WDR27: variants seen among roughly 807,000 people sequenced by gnomAD.
WDR27 encodes WD repeat domain 27, also known as WD repeat-containing protein 27.
Under a neutral mutation model 114.4 loss-of-function variants are expected in WDR27, and 100 were observed. The observed-to-expected ratio is 0.87, with a 90% CI of 0.74 to 1.03. WDR27 has a LOEUF of 1.03. WDR27 is among the 50% of genes least tolerant of loss of function. The pLI is 0.00. For synonymous variants in WDR27, 449 were observed against 423.1 expected (o/e 1.06, Z -0.75); for missense variants, 1,129 against 1,092.9 (o/e 1.03, Z -0.47).
chr6:169,700,743 A>G (rs1408619746), intron 1 of WDR27, among the ~76,000 whole-genome samples: 1 of 152,238 alleles, frequency 6.6e-6, no homozygotes, highest in Non-Finnish European at 1.5e-5. Context: ...CTCCACTAAT[A>G]TAAATTGTTT....
intron 25 of WDR27, among the ~76,000 whole-genome samples, chr6:169,551,446 A>G (rs1361844911): frequency 1.3e-5 from 2 of 152,236 alleles, no homozygotes; most frequent in East Asian, 1.9e-4. Context: ...TTCTCAACAT[A>G]ACAACCTGAG....
intron 25 of WDR27, among the ~76,000 whole-genome samples, chr6:169,557,785 C>T (rs3006213): frequency 0.9 from 137,139 of 152,132 alleles, 62,267 homozygotes; most frequent in East Asian, 0.99. Context: ...AAAATAAAAA[C>T]ATCAAAGTAT....
At chr6:169,691,452 T>G (rs1476673165) in intron 1 of WDR27, among the ~76,000 whole-genome samples, 2 of 152,156 alleles carry the variant, frequency 1.3e-5, no homozygotes, top group African/African-American at 2.4e-5. Context: ...CTCTGTAACT[T>G]GAGCATGGCA....
At chr6:169,514,500 T>C (rs1057153415) in intron 25 of WDR27, among the ~76,000 whole-genome samples, 10 of 144,350 alleles carry the variant, frequency 6.9e-5, no homozygotes, top group African/African-American at 2.0e-4. Context: ...ATATATATAA[T>C]ATGTATTTTT....
At chr6:169,433,922 A>G in the WDR27 span, among the ~76,000 whole-genome samples, 1 of 151,848 alleles carries the variant, frequency 6.6e-6, no homozygotes, top group African/African-American at 2.4e-5. Flanking sequence ...TCCTTCCCCC[A>G]CTTTTGTATG....
chr6:169,603,411 T>TA (rs920879246), intron 22 of WDR27, among the ~76,000 whole-genome samples: 18 of 151,286 alleles, frequency 1.2e-4, no homozygotes, highest in Admixed American at 2.6e-4. Flanking sequence ...TCTTTACTAT[T>TA]AAAAAAAAAG....
At chr6:169,675,296 C>G (rs1376384571) in intron 2 of WDR27, among the ~76,000 whole-genome samples, 1 of 152,156 alleles carries the variant, frequency 6.6e-6, no homozygotes, top group Non-Finnish European at 1.5e-5. Context: ...GTACCTCCCC[C>G]CATGCCTTGC....
chr6:169,665,832 T>C (rs768630212), intron 6 of WDR27, among the ~76,000 whole-genome samples: 31 of 152,170 alleles, frequency 2.0e-4, no homozygotes, highest in Non-Finnish European at 3.5e-4. Flanking sequence ...AGGAATCCCA[T>C]CCCACCTCCC....
chr6:169,647,524 C>T (rs1321186836), intron 16 of WDR27: 1 of 582,062 alleles, frequency 1.7e-6, no homozygotes, highest in Admixed American at 3.0e-5. Flanking sequence ...AGCAAATTCG[C>T]TGCTAGTGAG....
At chr6:169,582,267 G>A (rs1362418343) in intron 24 of WDR27, among the ~76,000 whole-genome samples, 2 of 152,098 alleles carry the variant, frequency 1.3e-5, no homozygotes, top group Admixed American at 6.5e-5. Context: ...GAGCCACTGC[G>A]CCTGGCCAAT....
chr6:169,597,760 G>C (rs1033585361), intron 23 of WDR27, among the ~76,000 whole-genome samples: 1 of 152,108 alleles, frequency 6.6e-6, no homozygotes, highest in South Asian at 2.1e-4. Context: ...GGTAGTGTCA[G>C]GCATGGCACT....
chr6:169,561,992 G>A (rs1799739043), intron 25 of WDR27, among the ~76,000 whole-genome samples: 1 of 152,156 alleles, frequency 6.6e-6, no homozygotes, highest in African/African-American at 2.4e-5. Flanking sequence ...CACAATGAAG[G>A]TGTCTACTCA....
the WDR27 span, among the ~76,000 whole-genome samples, chr6:169,445,744 C>A: frequency 6.6e-6 from 1 of 152,258 alleles, no homozygotes; most frequent in Admixed American, 6.5e-5. Flanking sequence ...GCTCTGCAGT[C>A]CCTCCCATCA....
chr6:169,689,921 G>A (rs1784022030), intron 1 of WDR27, among the ~76,000 whole-genome samples: 1 of 152,188 alleles, frequency 6.6e-6, no homozygotes, highest in African/African-American at 2.4e-5. Context: ...CGCTCATGCT[G>A]GTCATGTGGA....
intron 13 of WDR27, among the ~76,000 whole-genome samples, chr6:169,654,244 T>G (rs1159171045): frequency 6.6e-6 from 1 of 152,224 alleles, no homozygotes; most frequent in Non-Finnish European, 1.5e-5. Flanking sequence ...AAATCAATCA[T>G]ATACCTAATT....
intron 25 of WDR27, among the ~76,000 whole-genome samples, chr6:169,461,984 C>T (rs144928461): frequency 6.6e-6 from 1 of 152,106 alleles, no homozygotes; most frequent in African/African-American, 2.4e-5. Context: ...GAAATAAAAT[C>T]ATTGTAAGAA....
intron 23 of WDR27, among the ~76,000 whole-genome samples, chr6:169,589,380 C>T (rs1047718003): frequency 6.6e-6 from 1 of 152,196 alleles, no homozygotes; most frequent in Non-Finnish European, 1.5e-5. Context: ...ATTCTATAGA[C>T]AAGGAAGCCA....
At chr6:169,647,589 C>G (rs1261238992) in intron 16 of WDR27, 184 bp downstream of exon 16, 5 of 684,866 alleles carry the variant, frequency 7.3e-6, no homozygotes, top group Non-Finnish European at 1.3e-5. Flanking sequence ...ATCACCCTCA[C>G]TACAGTCGAG....
intron 2 of WDR27, among the ~76,000 whole-genome samples, chr6:169,678,640 G>C (rs1780696230): frequency 6.6e-6 from 1 of 152,114 alleles, no homozygotes; most frequent in African/African-American, 2.4e-5. Flanking sequence ...TCCTTTCTAA[G>C]GGGTCTGGGG....
Sources: gnomAD v4.1 joint callset for allele counts (sites outside exome capture counted in the v4.1 genomes callset) on GRCh38, gnomAD v4.1.1 for gene constraint, MANE v1.5 for transcripts, NCBI Gene and HGNC (gene_info 2026-07-23, HGNC 2026-07-21) for gene names.